Variants in NR3C2 observed in about 807,000 individuals in gnomAD.
NR3C2 encodes the protein nuclear receptor subfamily 3 group C member 2.
NR3C2 carries 15 observed loss-of-function variants against 86.4 expected under a neutral mutation model. That is an observed-to-expected ratio of 0.17 (90% CI 0.12 to 0.27). The LOEUF (loss-of-function observed/expected upper bound fraction) is 0.27, where lower values mean the gene tolerates loss of function less well. Ranked by LOEUF, NR3C2 falls within the 10% of genes least tolerant of loss-of-function variation. The probability of loss-of-function intolerance (pLI) is 1.00; values close to 1 mark genes in which losing one functional copy is unlikely to be tolerated. For synonymous variants in NR3C2, 458 were observed against 450.5 expected, an observed-to-expected ratio of 1.02 and a Z score of -0.21; for missense variants, 960 against 1,195.6, an observed-to-expected ratio of 0.80 and a Z score of 2.91.
At chr4:148,394,838 G>A (rs757881426) in intron 2 of NR3C2, among the ~76,000 whole-genome samples, 9 of 152,140 alleles carry the variant, frequency 5.9e-5, no homozygotes, top group African/African-American at 9.7e-5. Context: ...CTTGAAAGAT[G>A]GAAATGAACT....
At chr4:148,329,484 G>A (rs1315268241) in intron 2 of NR3C2, among the ~76,000 whole-genome samples, 1 of 151,994 alleles carries the variant, frequency 6.6e-6, no homozygotes, top group Non-Finnish European at 1.5e-5. Context: ...ATTATTTACA[G>A]ATTCTACACT....
intron 2 of NR3C2, among the ~76,000 whole-genome samples, chr4:148,405,061 G>T (rs1034563085): frequency 2.1e-5 from 3 of 141,124 alleles, no homozygotes; most frequent in Non-Finnish European, 4.7e-5. Flanking sequence ...TTTCTAGAAA[G>T]ATTTTGGTGT....
At chr4:148,264,576 T>A (rs1484242463) in intron 2 of NR3C2, among the ~76,000 whole-genome samples, 1 of 152,220 alleles carries the variant, frequency 6.6e-6, no homozygotes, top group African/African-American at 2.4e-5. Flanking sequence ...AGGCCTGGGC[T>A]CTAGTTCTAG....
At position 148,201,698 on chromosome 4, in the gene NR3C2, C is replaced by A. The variant is rs375955928; in HGVS notation, c.1898-6836G>T. Among the ~76,000 whole-genome samples the A allele has an allele frequency of 7.9e-5, 12 of 152,164 alleles. No individual in the cohort carries two copies. In the East Asian group the frequency reaches 9.6e-4, roughly 12 times the overall value. ...GTGGCAGGACTTCTGGCATATCTCC[C>A]CCATTACTTTTCTTTTAAGTCTTAG... On this transcript the variant is annotated intron_variant, in intron 3 of 8. Coordinates refer to ENST00000358102, the MANE Select transcript of NR3C2 (RefSeq NM_000901.5).
intron 4 of NR3C2, among the ~76,000 whole-genome samples, chr4:148,162,227 A>G (rs1194343426): frequency 6.6e-6 from 1 of 152,212 alleles, no homozygotes; most frequent in Non-Finnish European, 1.5e-5. Context: ...ATGATTCCCC[A>G]CAACAGAAAT....
At chr4:148,136,984 A>G (rs767751171) in intron 6 of NR3C2, among the ~76,000 whole-genome samples, 8 of 152,244 alleles carry the variant, frequency 5.3e-5, no homozygotes, top group Non-Finnish European at 8.8e-5. Flanking sequence ...GATAGTTTCA[A>G]TATTTACTAC....
chr4:148,254,538 G>A (rs1485504175), intron 3 of NR3C2, among the ~76,000 whole-genome samples: 1 of 152,110 alleles, frequency 6.6e-6, no homozygotes, highest in African/African-American at 2.4e-5. Context: ...ACCAACTGAA[G>A]GGATATCACA....
intron 4 of NR3C2, among the ~76,000 whole-genome samples, chr4:148,181,151 C>G (rs1578980855): frequency 6.6e-6 from 1 of 152,254 alleles, no homozygotes; most frequent in Non-Finnish European, 1.5e-5. Context: ...ACATTGGAAC[C>G]AGAATTAGGA....
intron 3 of NR3C2, among the ~76,000 whole-genome samples, chr4:148,220,627 G>C (rs530473315): frequency 2.0e-4 from 30 of 152,178 alleles, no homozygotes; most frequent in African/African-American, 6.7e-4. Context: ...GCAACATAGC[G>C]AGACGCTGTC....
chr4:148,277,342 G>A (rs1337457286), intron 2 of NR3C2, among the ~76,000 whole-genome samples: 3 of 152,070 alleles, frequency 2.0e-5, no homozygotes, highest in African/African-American at 4.8e-5. Flanking sequence ...ATGCACCTTC[G>A]AATCCTCATG....
At chr4:148,411,592 T>A (rs1748706280) in intron 2 of NR3C2, among the ~76,000 whole-genome samples, 1 of 152,214 alleles carries the variant, frequency 6.6e-6, no homozygotes. Context: ...TCACAAGGTC[T>A]ATATTGCTCG....
At position 148,153,310 on chromosome 4, in the gene NR3C2, T is replaced by A. The variant is rs531168500; in HGVS notation, c.2366-697A>T. Among the ~76,000 whole-genome samples the A allele has an allele frequency of 3.5e-4, 54 of 152,310 alleles. 1 individual carries two copies. In the South Asian group the frequency reaches 6.2e-3, roughly 18 times the overall value. ...CTCCTGCCTCAGGCTCACAAGTAGC[T>A]GGGGTTACAGGTGCCTGCCAGGACG... On this transcript the variant is annotated intron_variant, in intron 5 of 8. Transcript: ENST00000358102.
chr4:148,178,938 AAAAAAAAAAC>A (rs1184280768), intron 4 of NR3C2, among the ~76,000 whole-genome samples: 2 of 151,036 alleles, frequency 1.3e-5, no homozygotes, highest in African/African-American at 2.4e-5. Flanking sequence ...CAGGTAAAAA[AAAAAAAAAAC>A]AAAAAAAAAC....
intron 2 of NR3C2, among the ~76,000 whole-genome samples, chr4:148,419,360 T>C (rs575584681): frequency 6.6e-6 from 1 of 152,324 alleles, no homozygotes; most frequent in South Asian, 2.1e-4. Flanking sequence ...CCCACGAATC[T>C]TCTGAAGCTA....
chr4:148,411,158 CA>C (rs1748684986), intron 2 of NR3C2, among the ~76,000 whole-genome samples: 1 of 136,812 alleles, frequency 7.3e-6, no homozygotes, highest in Non-Finnish European at 1.6e-5. Flanking sequence ...CTGGCCCAAA[CA>C]AAGAATCAAA....
chr4:148,258,349 A>G (rs1359897770), intron 3 of NR3C2, among the ~76,000 whole-genome samples: 1 of 152,248 alleles, frequency 6.6e-6, no homozygotes, highest in Non-Finnish European at 1.5e-5. Flanking sequence ...GGAAAGAGAG[A>G]AGGAGGCAGG....
intron 3 of NR3C2, among the ~76,000 whole-genome samples, chr4:148,241,332 AAGGGG>A (rs1739030993): frequency 7.9e-6 from 1 of 126,590 alleles, no homozygotes. Context: ...AAAAAAAAAA[AAGGGG>A]AAAAATAAAA....
At chr4:148,218,494 T>G (rs72947976) in intron 3 of NR3C2, among the ~76,000 whole-genome samples, 1,830 of 152,350 alleles carry the variant, frequency 0.012, 27 homozygotes, top group African/African-American at 0.032. Context: ...GGTTAACATT[T>G]TGGTGTACTT....
intron 2 of NR3C2, among the ~76,000 whole-genome samples, chr4:148,282,190 A>T (rs1055182021): frequency 7.9e-5 from 12 of 152,152 alleles, no homozygotes; most frequent in Non-Finnish European, 1.5e-4. Context: ...CCACCATGCC[A>T]GGCTAATTTT....
Sources: gnomAD v4.1 joint callset for allele counts (sites outside exome capture counted in the v4.1 genomes callset) on GRCh38, gnomAD v4.1.1 for gene constraint, MANE v1.5 for transcripts, NCBI Gene and HGNC (gene_info 2026-07-23, HGNC 2026-07-21) for gene names.